The following SLC17A9 variants were observed in gnomAD, a reference collection of about 807,000 sequenced individuals.
SLC17A9 encodes the protein solute carrier family 17 member 9.
In SLC17A9, 49 loss-of-function variants were observed where a neutral mutation model predicts 55.0. The ratio of observed to expected loss-of-function variants is 0.89; its 90% CI spans 0.71 to 1.13. SLC17A9 has a LOEUF of 1.13. Ranked by LOEUF, SLC17A9 falls within the 50% of genes most tolerant of loss-of-function variation. The pLI, the probability that SLC17A9 is intolerant of heterozygous loss-of-function variation, is 0.00. For synonymous variants in SLC17A9, 256 were observed against 247.4 expected (o/e 1.03, Z -0.32); for missense variants, 526 against 569.3 (o/e 0.92, Z 0.77).
At chr20:62,957,085 G>A in intron 2 of SLC17A9, 123 bp downstream of exon 2, 1 of 1,362,906 alleles carries the variant, frequency 7.3e-7, no homozygotes, top group South Asian at 1.3e-5. Context: ...GGAGCTTGGT[G>A]GACACAGAGG....
chr20:62,955,217 G>A (rs559474215), intron 1 of SLC17A9, among the ~76,000 whole-genome samples: 30 of 151,430 alleles, frequency 2.0e-4, no homozygotes, highest in African/African-American at 6.8e-4. Flanking sequence ...GTTTGATCTC[G>A]GTTCACTGCA....
At chr20:62,956,642 C>T in intron 1 of SLC17A9, 123 bp from the exon 2 acceptor site, 1 of 885,158 alleles carries the variant, frequency 1.1e-6, no homozygotes, top group Non-Finnish European at 1.7e-6. Flanking sequence ...AAGTTGCCCT[C>T]CATCAAAGCT....
chr20:62,961,426 C>T (rs2065587713), intron 4 of SLC17A9, among the ~76,000 whole-genome samples: 2 of 152,190 alleles, frequency 1.3e-5, no homozygotes, highest in African/African-American at 4.8e-5. Context: ...TCAGTCCTCC[C>T]TCCCTGCGCC....
At position 62,967,398 on chromosome 20, in the gene SLC17A9, G is replaced by C; in HGVS notation, c.1209G>C (p.Leu403=). The C allele has an allele frequency of 6.2e-7, 1 of 1,614,186 alleles. No individual in the cohort carries two copies. Among genetic ancestry groups the C allele is most frequent in the Non-Finnish European group, 8.5e-7 (1 of 1,180,034 alleles). ...LMETTGSWTC[L]FNLVAIISNL... Reference sequence around the variant, plus strand: ...AGACCACGGGCTCCTGGACTTGCCTGTTCAACCTTGTGGCCATCATCAGCA... The same window carrying C: ...AGACCACGGGCTCCTGGACTTGCCTCTTCAACCTTGTGGCCATCATCAGCA... Residue 403 remains leucine, a synonymous_variant, in exon 13 of 13, where the codon CTG becomes CTC. Coordinates refer to ENST00000370351, the MANE Select transcript of SLC17A9 (RefSeq NM_022082.4).
At chr20:62,953,096 CG>C (rs1275429005) in intron 1 of SLC17A9, 14 of 1,335,726 alleles carry the variant, frequency 1.0e-5, no homozygotes, top group Non-Finnish European at 1.0e-5. Flanking sequence ...ATTCCAGGAC[CG>C]GACCTGGCAA....
chr20:62,952,849 G>T lies in SLC17A9; in HGVS notation c.19G>T (p.Glu7Ter). 1 of 1,530,892 alleles carries T rather than the reference G, an allele frequency of 6.5e-7. No individual in the cohort carries two copies. The allele number at this position is 1,530,892 out of a possible 1,614,324, so 94.8% of individuals were successfully genotyped here. A position where few individuals can be genotyped will look rare whatever the true frequency, so the allele number is the denominator to read the frequency against. MQPPPD[E>*]ARRDMAGDTQ... ...AAGCCCGATGCAGCCACCCCCAGAC[G>T]AGGCCCGCAGGGACATGGCCGGGGA... Residue 7 changes from glutamate to a stop codon, truncating the protein, a stop_gained, in exon 1 of 13, where the codon GAG becomes TAG. Transcript: ENST00000370351. LOFTEE classifies it high-confidence loss of function.
rs1278681644 is a variant in SLC17A9, at chr20:62,967,395, C to T, written c.1206C>T (p.Cys402=). ...TGGAGACCACGGGCTCCTGGACTTGCCTGTTCAACCTTGTGGCCATCATCA... is the reference window on the plus strand; with the variant it reads ...TGGAGACCACGGGCTCCTGGACTTGTCTGTTCAACCTTGTGGCCATCATCA... ...YLMETTGSWT[C]LFNLVAIISN... Residue 402 remains cysteine (C), a synonymous_variant, in exon 13 of 13, where the codon TGC becomes TGT. Transcript: ENST00000370351. 1.2e-6 allele frequency: 2 copies of T among 1,614,158 alleles called. No individual in the cohort carries two copies. Among genetic ancestry groups the T allele is most frequent in the South Asian group, 2.2e-5 (2 of 91,078 alleles).
At position 62,962,819 on chromosome 20, in the gene SLC17A9, G is replaced by T; in HGVS notation, c.628+65G>T. On this transcript the variant is annotated intron_variant, in intron 5 of 12. Coordinates refer to ENST00000370351, the MANE Select transcript of SLC17A9 (RefSeq NM_022082.4). The surrounding 1 kb of genome is among the most constrained non-coding windows in gnomAD (Gnocchi z 5.5). The stretch of plus-strand genomic sequence containing the variant: ...CTGCCCAGTGCCTCCTCCCCTGGTG[G>T]CAGCCGCTGAGCAGCCTGGAGCAGG... The T allele has an allele frequency of 6.3e-7, 1 of 1,593,598 alleles. No homozygotes were observed. Among genetic ancestry groups the T allele is most frequent in the Non-Finnish European group, 8.6e-7 (1 of 1,169,062 alleles).
chr20:62,966,432 C>T (rs369212321), intron 10 of SLC17A9, 93 bp from the exon 11 acceptor site: 29 of 1,430,286 alleles, frequency 2.0e-5, no homozygotes, highest in Admixed American at 1.2e-4. Context: ...CGTGGCTCCA[C>T]GAGACCTTGC....
Position 62,956,749 on chromosome 20 carries a change from A to C in SLC17A9, c.60-16A>C, listed in dbSNP as rs1361293470. 1 of 1,607,596 alleles carries C rather than the reference A, an allele frequency of 6.2e-7. No homozygotes were observed. The highest frequency in any genetic ancestry group is 8.5e-7 in the Non-Finnish European group (1 of 1,178,200). On this transcript the variant is annotated splice_polypyrimidine_tract_variant and intron_variant, in intron 1 of 12. Coordinates refer to ENST00000370351, the MANE Select transcript of SLC17A9 (RefSeq NM_022082.4). ...CGTGGGGCCTCCCCAGGGCCTGACCATCTCCTGTCCCACAGGCCCGAGTGC... is the reference window on the plus strand; with the variant it reads ...CGTGGGGCCTCCCCAGGGCCTGACCCTCTCCTGTCCCACAGGCCCGAGTGC...
In SLC17A9 at chr20:62,968,100, C is replaced by G. The variant is rs2065656365; in HGVS notation, c.*600C>G. The stretch of plus-strand genomic sequence containing the variant: ...TGTCTCCAGACTCTGCCCAGCCTCC[C>G]CAGGTAGCCACCCTCGAGACACGAC... On this transcript the variant is annotated 3_prime_UTR_variant, in exon 13 of 13. Coordinates refer to ENST00000370351, the MANE Select transcript of SLC17A9 (RefSeq NM_022082.4). 6.6e-6 allele frequency: 1 copy of G among 152,664 alleles called. No individual in the cohort carries two copies. Among genetic ancestry groups the G allele is most frequent in the African/African-American group, 2.4e-5 (1 of 41,462 alleles). 9.5% of individuals were successfully genotyped at this position (152,664 alleles called of 1,614,324 possible).
chr20:62,955,888 GTCC>G (rs2065532911), intron 1 of SLC17A9, among the ~76,000 whole-genome samples: 1 of 152,228 alleles, frequency 6.6e-6, no homozygotes, highest in Non-Finnish European at 1.5e-5. Context: ...CAAGCCAGTT[GTCC>G]CCAGAGTGGA....
Position 62,962,978 on chromosome 20 carries a change from G to A in SLC17A9, c.628+224G>A. On this transcript the variant is annotated intron_variant, in intron 5 of 12. Transcript: ENST00000370351. The surrounding 1 kb of genome is among the most constrained non-coding windows in gnomAD (Gnocchi z 5.5). Reference sequence around the variant, plus strand: ...ATCTAGGGCTAAGGCAGACACCCAGGAAGACCTGCTGGGCACAGGTCAAGG... The same window carrying A: ...ATCTAGGGCTAAGGCAGACACCCAGAAAGACCTGCTGGGCACAGGTCAAGG... The A allele has an allele frequency of 2.9e-6, 2 of 689,342 alleles. No homozygotes were observed. 42.7% of individuals were successfully genotyped at this position (689,342 alleles called of 1,614,324 possible).
In SLC17A9 at chr20:62,953,179, C is replaced by T; in HGVS notation, c.59+290C>T. On this transcript the variant is annotated intron_variant, in intron 1 of 12. Transcript: ENST00000370351. ...ATGTTCCCCAGGCCAGGGGCATTGT[C>T]CTGGACAGTCAGGAGGCATACCCCT... 5.2e-6 allele frequency: 8 copies of T among 1,549,848 alleles called. No homozygotes were observed. The South Asian group carries it at 9.5e-5, about 18-fold the overall frequency.
At chr20:62,965,063 A>T (rs2065622880) in intron 8 of SLC17A9, 69 bp from the exon 9 acceptor site, 1 of 1,586,430 alleles carries the variant, frequency 6.3e-7, no homozygotes, top group South Asian at 1.1e-5. Flanking sequence ...GCCATTCGGG[A>T]TGGGACCCCC....
intron 12 of SLC17A9, chr20:62,967,115 G>C (rs1200496496): frequency 6.7e-6 from 4 of 599,024 alleles, no homozygotes; most frequent in Non-Finnish European, 1.2e-5. Flanking sequence ...TTGTTACCAG[G>C]CCATTTTCTG....
At chr20:62,963,514 C>A in intron 6 of SLC17A9, 70 bp from the exon 7 acceptor site, 1 of 1,530,840 alleles carries the variant, frequency 6.5e-7, no homozygotes, top group Non-Finnish European at 8.9e-7. Flanking sequence ...GGACGCCTCT[C>A]GGGGTGGGTC....
rs2065598402 is a variant in SLC17A9 at position 62,962,628 on chromosome 20, C to T, written c.502C>T (p.Leu168=). The change falls in exon 5 of 13, where the codon CTG becomes TTG. Residue 168 remains leucine, a synonymous_variant. Transcript: ENST00000370351. This position sits in a 1 kb window ranked among gnomAD's most constrained non-coding sequence, Gnocchi z 5.5. ...IVGAGSQFGT[L]LTGAVGSLLL... The stretch of plus-strand genomic sequence containing the variant: ...ACACTCCCCCTGTCTTTGCAGGACG[C>T]TGCTGACCGGGGCGGTGGGCTCCCT... 1.2e-6 allele frequency: 2 copies of T among 1,613,740 alleles called. No individual in the cohort carries two copies. The highest frequency in any genetic ancestry group is 1.3e-5 in the African/African-American group (1 of 74,938).
chr20:62,966,807 G>A (rs1273362762), intron 12 of SLC17A9, 75 bp downstream of exon 12: 1 of 1,557,414 alleles, frequency 6.4e-7, no homozygotes, highest in East Asian at 2.2e-5. Flanking sequence ...TGCAGGGTGG[G>A]GTTGTGCCTC....
Sources: allele counts gnomAD v4.1 joint callset (sites outside exome capture counted in the v4.1 genomes callset), GRCh38; gene constraint gnomAD v4.1.1; non-coding constraint Gnocchi (gnomAD v3.1); transcripts MANE v1.5; gene names NCBI Gene and HGNC (gene_info 2026-07-23, HGNC 2026-07-21).